The following ESYT2 variants were observed in gnomAD, a reference collection of about 807,000 sequenced individuals.
ESYT2 encodes extended synaptotagmin 2.
In ESYT2, 54 loss-of-function variants were observed where a neutral mutation model predicts 107.2. The observed-to-expected ratio is 0.50, with a 90% confidence interval of 0.40 to 0.63. ESYT2 has a LOEUF of 0.63. ESYT2 is among the 30% of genes least tolerant of loss of function. The pLI is 0.00. For missense variants in ESYT2, 1,020 were observed against 1,094.5 expected, an observed-to-expected ratio of 0.93 and a Z score of 0.96; for synonymous variants, 491 against 434.1, an observed-to-expected ratio of 1.13 and a Z score of -1.63.
At chr7:158,734,869 G>GTC (rs1157637460) in intron 21 of ESYT2, among the ~76,000 whole-genome samples, 1 of 152,180 alleles carries the variant, frequency 6.6e-6, no homozygotes, top group Non-Finnish European at 1.5e-5. Context: ...CTAATCTTCT[G>GTC]TCTTCATCTA....
chr7:158,782,385 G>GGTGTGT (rs147060839), intron 6 of ESYT2, among the ~76,000 whole-genome samples: 1 of 86,630 alleles, frequency 1.2e-5, no homozygotes, highest in African/African-American at 3.5e-5. Context: ...AACAAAGTGA[G>GGTGTGT]GTAAGAACGA....
chr7:158,770,181 G>A (rs1462896817), intron 7 of ESYT2, among the ~76,000 whole-genome samples: 1 of 151,938 alleles, frequency 6.6e-6, no homozygotes, highest in African/African-American at 2.4e-5. Flanking sequence ...ATGAGCCACC[G>A]CGTTCAGCCT....
At chr7:158,768,619 T>G (rs1433330000) in intron 7 of ESYT2, among the ~76,000 whole-genome samples, 1 of 152,062 alleles carries the variant, frequency 6.6e-6, no homozygotes, top group African/African-American at 2.4e-5. Context: ...GGGTTCACCA[T>G]GTTGGCGAGG....
chr7:158,814,134 C>T (rs1415159656), intron 1 of ESYT2, among the ~76,000 whole-genome samples: 7 of 151,526 alleles, frequency 4.6e-5, no homozygotes, highest in African/African-American at 9.7e-5. Flanking sequence ...ATTAGTCGGG[C>T]GTGGTGGTGG....
intron 7 of ESYT2, among the ~76,000 whole-genome samples, chr7:158,770,293 T>G (rs906235722): frequency 1.8e-4 from 27 of 146,456 alleles, no homozygotes; most frequent in Non-Finnish European, 3.9e-4. Flanking sequence ...TACGTACATA[T>G]CTATTAAATT....
chr7:158,745,711 A>G (rs1837380472), intron 16 of ESYT2, among the ~76,000 whole-genome samples: 1 of 152,208 alleles, frequency 6.6e-6, no homozygotes. Context: ...ATCCCCAAAC[A>G]TATGGAAACT....
At chr7:158,786,159 C>T (rs760371626) in intron 6 of ESYT2, among the ~76,000 whole-genome samples, 7 of 152,088 alleles carry the variant, frequency 4.6e-5, no homozygotes, top group Non-Finnish European at 8.8e-5. Context: ...GAAGTTAATA[C>T]GTTATTTTAA....
intron 1 of ESYT2, among the ~76,000 whole-genome samples, chr7:158,803,632 T>G (rs1839710352): frequency 6.6e-6 from 1 of 152,186 alleles, no homozygotes; most frequent in African/African-American, 2.4e-5. Context: ...TTGCAGAAAG[T>G]TAAAACTGCC....
At chr7:158,755,439 T>G (rs1353504199) in intron 13 of ESYT2, among the ~76,000 whole-genome samples, 3 of 152,132 alleles carry the variant, frequency 2.0e-5, no homozygotes, top group African/African-American at 7.2e-5. Context: ...TGATACAAGG[T>G]CAGAGACACT....
In ESYT2 at chr7:158,737,186, A is replaced by G; in HGVS notation, c.2268-7T>C. On this transcript the variant is annotated splice_polypyrimidine_tract_variant and splice_region_variant and intron_variant, in intron 19 of 22. Transcript: ENST00000275418. ...AGAGAAGGCAATGAGGTTTCTTACA[A>G]CACAAACCAGATAAGACGAGGTATT... The G allele has an allele frequency of 6.2e-7, 1 of 1,613,440 alleles. No homozygotes were observed. Among genetic ancestry groups the G allele is most frequent in the Non-Finnish European group, 8.5e-7 (1 of 1,179,444 alleles).
At chr7:158,801,581 A>G (rs1206219487) in intron 1 of ESYT2, among the ~76,000 whole-genome samples, 4 of 150,662 alleles carry the variant, frequency 2.7e-5, no homozygotes, top group African/African-American at 9.8e-5. Flanking sequence ...ATCACAGAAA[A>G]CACAGTCCTC....
chr7:158,826,058 T>G (rs562364884), intron 1 of ESYT2, among the ~76,000 whole-genome samples: 1 of 151,278 alleles, frequency 6.6e-6, no homozygotes, highest in Non-Finnish European at 1.5e-5. Flanking sequence ...AAAGTGCAAG[T>G]AATACTGAAA....
rs751397026 is a variant in ESYT2 at position 158,829,272 on chromosome 7, G to A, written c.147C>T (p.Pro49=). The change falls in exon 1 of 23, where the codon CCC becomes CCT. Residue 49 remains proline (P), a synonymous_variant. Transcript: ENST00000275418. The part of the protein sequence containing the change: ...QLARSFALLL[P]VYALGYLGLS... ...GCCCCAGGTAGCCCAGCGCGTACAC[G>A]GGCAGCAGCAGCGCGAAGCTCCGCG... 2 of 1,521,362 alleles carry A rather than the reference G, an allele frequency of 1.3e-6. No homozygotes were observed. The highest frequency in any genetic ancestry group is 2.0e-5 in the Admixed American group (1 of 49,414). 94.2% of individuals were successfully genotyped at this position (1,521,362 alleles called of 1,614,324 possible). A position where few individuals can be genotyped will look rare whatever the true frequency, so the allele number is the denominator to read the frequency against.
intron 8 of ESYT2, among the ~76,000 whole-genome samples, chr7:158,767,229 C>T (rs1385691519): frequency 6.6e-6 from 1 of 152,218 alleles, no homozygotes; most frequent in Non-Finnish European, 1.5e-5. Flanking sequence ...CAACGGAATT[C>T]TAACATCTGA....
intron 17 of ESYT2, 133 bp from the exon 18 acceptor site, chr7:158,742,029 G>C (rs1204166240): frequency 9.1e-6 from 9 of 992,384 alleles, no homozygotes; most frequent in African/African-American, 1.6e-5. Flanking sequence ...TTTTTTAAAG[G>C]AAAGTTTAGG....
intron 1 of ESYT2, among the ~76,000 whole-genome samples, chr7:158,807,502 C>T (rs951238999): frequency 9.2e-5 from 14 of 152,124 alleles, no homozygotes; most frequent in Non-Finnish European, 1.3e-4. Context: ...TTTATTTGTA[C>T]ACAATGAAGA....
At chr7:158,816,790 C>A (rs1840159019) in intron 1 of ESYT2, among the ~76,000 whole-genome samples, 1 of 152,192 alleles carries the variant, frequency 6.6e-6, no homozygotes, top group East Asian at 1.9e-4. Flanking sequence ...ATTCTTTCTA[C>A]TAGTTACTGG....
chr7:158,773,011 A>T (rs926790508), intron 7 of ESYT2, among the ~76,000 whole-genome samples: 2 of 152,146 alleles, frequency 1.3e-5, no homozygotes, highest in South Asian at 2.1e-4. Context: ...AAAAATTTGC[A>T]AACTGTTTTT....
At chr7:158,758,221 A>T (rs1230740521) in intron 13 of ESYT2, among the ~76,000 whole-genome samples, 2 of 152,246 alleles carry the variant, frequency 1.3e-5, no homozygotes, top group African/African-American at 4.8e-5. Flanking sequence ...ATGAAATATA[A>T]GTGATCAATC....
Sources: allele counts gnomAD v4.1 joint callset (sites outside exome capture counted in the v4.1 genomes callset), GRCh38; gene constraint gnomAD v4.1.1; transcripts MANE v1.5; gene names NCBI Gene and HGNC (gene_info 2026-07-23, HGNC 2026-07-21).